CHCHD6: variants seen among roughly 807,000 people sequenced by gnomAD.
CHCHD6 encodes the protein MICOS complex subunit MIC25.
In CHCHD6, 28 loss-of-function variants were observed where a neutral mutation model predicts 32.3. The ratio of observed to expected loss-of-function variants is 0.87; its 90% CI spans 0.64 to 1.19. The LOEUF is 1.19. Among genes scored for constraint, CHCHD6 ranks in the 50% most tolerant of loss-of-function variants. The pLI is 0.00. For synonymous variants in CHCHD6, 122 were observed against 117.5 expected (o/e 1.04, Z -0.25); for missense variants, 333 against 307.0 (o/e 1.08, Z -0.63).
At chr3:126,818,025 C>CA (rs1939983155) in intron 4 of CHCHD6, among the ~76,000 whole-genome samples, 1 of 152,194 alleles carries the variant, frequency 6.6e-6, no homozygotes, top group African/African-American at 2.4e-5. Flanking sequence ...TCTTTCCACA[C>CA]AGAGTTGGGT....
At chr3:126,947,896 G>A (rs1374304261) in intron 6 of CHCHD6, among the ~76,000 whole-genome samples, 1 of 152,224 alleles carries the variant, frequency 6.6e-6, no homozygotes, top group Non-Finnish European at 1.5e-5. Context: ...GTTAAGGTGA[G>A]TCAGTTCATC....
intron 6 of CHCHD6, among the ~76,000 whole-genome samples, chr3:126,945,865 G>A (rs750181733): frequency 9.2e-5 from 14 of 151,936 alleles, no homozygotes; most frequent in Non-Finnish European, 1.9e-4. Flanking sequence ...TTAGCCAGAA[G>A]GTGAGCTAAA....
intron 4 of CHCHD6, among the ~76,000 whole-genome samples, chr3:126,800,747 A>G (rs374798712): frequency 1.3e-5 from 2 of 152,114 alleles, no homozygotes; most frequent in East Asian, 1.9e-4. Flanking sequence ...ACAGGCTGAG[A>G]CCTTCCACCT....
intron 6 of CHCHD6, among the ~76,000 whole-genome samples, chr3:126,938,253 C>T (rs1182530172): frequency 6.6e-6 from 1 of 152,200 alleles, no homozygotes; most frequent in Non-Finnish European, 1.5e-5. Context: ...ACATCTCTGG[C>T]ACCGTAGCCA....
chr3:126,704,709 G>A (rs1934390222), intron 1 of CHCHD6, among the ~76,000 whole-genome samples: 1 of 152,152 alleles, frequency 6.6e-6, no homozygotes, highest in South Asian at 2.1e-4. Context: ...TCTTGAATTT[G>A]CGCCCGGCCT....
chr3:126,734,368 A>G (rs1935947205), intron 4 of CHCHD6, among the ~76,000 whole-genome samples: 1 of 152,160 alleles, frequency 6.6e-6, no homozygotes, highest in Non-Finnish European at 1.5e-5. Flanking sequence ...GCCTTGCACT[A>G]CTTTAGGTGG....
chr3:126,744,318 A>G (rs1936404415), intron 4 of CHCHD6, among the ~76,000 whole-genome samples: 1 of 152,200 alleles, frequency 6.6e-6, no homozygotes, highest in South Asian at 2.1e-4. Flanking sequence ...CAATTTGTCA[A>G]GCCGATTGTG....
chr3:126,825,485 A>G (rs1039911725), intron 4 of CHCHD6, among the ~76,000 whole-genome samples: 1 of 152,146 alleles, frequency 6.6e-6, no homozygotes, highest in Non-Finnish European at 1.5e-5. Context: ...TTGGTCTGCT[A>G]TCAGTCACAG....
chr3:126,884,443 A>G (rs1257411581), intron 5 of CHCHD6, among the ~76,000 whole-genome samples: 1 of 152,212 alleles, frequency 6.6e-6, no homozygotes, highest in East Asian at 1.9e-4. Flanking sequence ...CATTAGCCCC[A>G]CAAATCCAGC....
intron 4 of CHCHD6, among the ~76,000 whole-genome samples, chr3:126,814,324 A>G (rs966940429): frequency 6.6e-6 from 1 of 152,236 alleles, no homozygotes; most frequent in African/African-American, 2.4e-5. Context: ...TTTGAAATAC[A>G]TATTTGGTCT....
At chr3:126,857,996 G>A (rs1329871364) in intron 5 of CHCHD6, among the ~76,000 whole-genome samples, 1 of 152,186 alleles carries the variant, frequency 6.6e-6, no homozygotes, top group Non-Finnish European at 1.5e-5. Flanking sequence ...AAGAGAGGCT[G>A]TAGAATGTCC....
At chr3:126,935,500 G>C (rs141217896) in intron 6 of CHCHD6, among the ~76,000 whole-genome samples, 1 of 152,324 alleles carries the variant, frequency 6.6e-6, no homozygotes, top group East Asian at 1.9e-4. Flanking sequence ...GAAAAGTTCT[G>C]GGGCTGGTGA....
chr3:126,807,040 G>T (rs923206309), intron 4 of CHCHD6, among the ~76,000 whole-genome samples: 1 of 118,060 alleles, frequency 8.5e-6, no homozygotes, highest in Admixed American at 1.1e-4. Flanking sequence ...ACACTCTGGG[G>T]CCTGCTGTGG....
chr3:126,801,497 C>T (rs1029931792), intron 4 of CHCHD6, among the ~76,000 whole-genome samples: 5 of 152,202 alleles, frequency 3.3e-5, no homozygotes, highest in Non-Finnish European at 4.4e-5. Context: ...AAGGCGGCAG[C>T]GAAGCTAGGG....
At chr3:126,758,936 T>C (rs952238755) in intron 4 of CHCHD6, among the ~76,000 whole-genome samples, 1 of 152,226 alleles carries the variant, frequency 6.6e-6, no homozygotes, top group Non-Finnish European at 1.5e-5. Context: ...GTACCCTTCC[T>C]GGAATAAGTC....
chr3:126,795,020 C>A (rs1380797485), intron 4 of CHCHD6, among the ~76,000 whole-genome samples: 1 of 151,988 alleles, frequency 6.6e-6, no homozygotes, highest in Non-Finnish European at 1.5e-5. Context: ...TGAAAATATT[C>A]TCCTAGACAT....
At chr3:126,878,789 G>A (rs1185696762) in intron 5 of CHCHD6, among the ~76,000 whole-genome samples, 1 of 152,208 alleles carries the variant, frequency 6.6e-6, no homozygotes, top group African/African-American at 2.4e-5. Flanking sequence ...TAGCAGGGAA[G>A]GGATATGGTT....
chr3:126,852,837 A>G (rs1355649197), intron 5 of CHCHD6, 107 bp downstream of exon 5: 14 of 713,368 alleles, frequency 2.0e-5, no homozygotes, highest in Non-Finnish European at 3.2e-5. Context: ...CCCAGTGCCC[A>G]TTCGCCCAGA....
chr3:126,863,117 CCACCAT>C (rs1942016704), intron 5 of CHCHD6, among the ~76,000 whole-genome samples: 1 of 43,940 alleles, frequency 2.3e-5, no homozygotes, highest in Non-Finnish European at 4.6e-5. Context: ...TCCTCCTCCT[CCACCAT>C]CATCACCTCC....
Sources: allele counts gnomAD v4.1 joint callset (sites outside exome capture counted in the v4.1 genomes callset), GRCh38; gene constraint gnomAD v4.1.1; transcripts MANE v1.5; gene names NCBI Gene and HGNC (gene_info 2026-07-23, HGNC 2026-07-21).